The following CTNNA2 variants were observed in gnomAD, a reference collection of about 807,000 sequenced individuals.
CTNNA2 encodes catenin alpha-2.
In CTNNA2, 42 loss-of-function variants were observed where a neutral mutation model predicts 101.0. That is an observed-to-expected ratio of 0.42 (90% confidence interval 0.32 to 0.54). The LOEUF is 0.54. CTNNA2 is among the 20% of genes least tolerant of loss of function. CTNNA2 has a pLI of 0.14. For synonymous variants in CTNNA2, 450 were observed against 456.4 expected, an observed-to-expected ratio of 0.99 and a Z score of 0.18; for missense variants, 871 against 1,223.1, an observed-to-expected ratio of 0.71 and a Z score of 4.29.
intron 12 of CTNNA2, among the ~76,000 whole-genome samples, chr2:80,570,448 C>T (rs1465489805): frequency 6.6e-6 from 1 of 152,170 alleles, no homozygotes; most frequent in Admixed American, 6.5e-5. Context: ...AGCAGTTGAC[C>T]AATCCCTAAA....
At chr2:79,868,865 C>T (rs1682354358) in intron 4 of CTNNA2, among the ~76,000 whole-genome samples, 1 of 152,130 alleles carries the variant, frequency 6.6e-6, no homozygotes, top group Admixed American at 6.5e-5. Flanking sequence ...GGACTGTGTT[C>T]TTGGCTATTT....
At chr2:79,613,884 G>GT (rs2104224924) in intron 1 of CTNNA2, among the ~76,000 whole-genome samples, 1 of 152,234 alleles carries the variant, frequency 6.6e-6, no homozygotes, top group South Asian at 2.1e-4. Context: ...CCAATCTCAT[G>GT]GTGCCAATAC....
chr2:80,251,464 G>A (rs1671757879), intron 7 of CTNNA2, among the ~76,000 whole-genome samples: 1 of 152,092 alleles, frequency 6.6e-6, no homozygotes, highest in Non-Finnish European at 1.5e-5. Context: ...TACGAAGAGG[G>A]GGACCTGAAT....
intron 3 of CTNNA2, among the ~76,000 whole-genome samples, chr2:79,835,662 C>CTTTT (rs1405806885): frequency 1.4e-5 from 1 of 72,916 alleles, no homozygotes; most frequent in African/African-American, 7.0e-5. Flanking sequence ...AATGGCCTCT[C>CTTTT]TTTGTTTTTT....
At chr2:79,851,737 C>CTTTTTTTTTTTTT (rs11399192) in intron 3 of CTNNA2, among the ~76,000 whole-genome samples, 6 of 87,122 alleles carry the variant, frequency 6.9e-5, no homozygotes, top group African/African-American at 9.4e-5. Context: ...TTTTCTTTTC[C>CTTTTTTTTTTTTT]TTTTTTTTTT....
At chr2:80,629,992 G>A (rs762124999) in intron 18 of CTNNA2, among the ~76,000 whole-genome samples, 3 of 152,138 alleles carry the variant, frequency 2.0e-5, no homozygotes, top group Non-Finnish European at 4.4e-5. Context: ...TGCCAACCTC[G>A]TTTCCAGCCA....
chr2:79,423,692 A>T (rs1678561671), intron 4 of CTNNA2, among the ~76,000 whole-genome samples: 1 of 152,172 alleles, frequency 6.6e-6, no homozygotes, highest in Non-Finnish European at 1.5e-5. Context: ...AAGATTGCAG[A>T]ATTATAGCAC....
At chr2:79,780,845 A>G (rs1249383193) in intron 3 of CTNNA2, among the ~76,000 whole-genome samples, 3 of 152,226 alleles carry the variant, frequency 2.0e-5, no homozygotes, top group African/African-American at 7.2e-5. Flanking sequence ...ATAAGGAAGC[A>G]TTCAATATAG....
intron 2 of CTNNA2, among the ~76,000 whole-genome samples, chr2:79,682,867 G>T (rs1480397419): frequency 6.6e-6 from 1 of 152,162 alleles, no homozygotes; most frequent in Non-Finnish European, 1.5e-5. Flanking sequence ...AAAAAACCAA[G>T]TTGTGGGTTC....
At chr2:79,775,277 T>C (rs1044797434) in intron 3 of CTNNA2, among the ~76,000 whole-genome samples, 1 of 152,190 alleles carries the variant, frequency 6.6e-6, no homozygotes, top group African/African-American at 2.4e-5. Context: ...TGGACAGCTG[T>C]ATGTCTACTT....
intron 2 of CTNNA2, among the ~76,000 whole-genome samples, chr2:79,653,931 G>A (rs903100735): frequency 8.6e-5 from 13 of 151,942 alleles, no homozygotes; most frequent in African/African-American, 1.9e-4. Context: ...TCTTTTCTCC[G>A]GTTTCCAATA....
chr2:80,263,032 T>G (rs1672736467), intron 7 of CTNNA2, among the ~76,000 whole-genome samples: 1 of 152,142 alleles, frequency 6.6e-6, no homozygotes, highest in South Asian at 2.1e-4. Context: ...GGAAATGGAA[T>G]TTCTTTAGAC....
intron 7 of CTNNA2, among the ~76,000 whole-genome samples, chr2:79,954,687 A>G (rs1159458240): frequency 6.6e-6 from 1 of 152,212 alleles, no homozygotes; most frequent in East Asian, 1.9e-4. Flanking sequence ...CACTGTGCAC[A>G]CTGGTCCCAT....
At chr2:79,351,579 AC>A (rs1298406099) in intron 3 of CTNNA2, among the ~76,000 whole-genome samples, 1 of 151,962 alleles carries the variant, frequency 6.6e-6, no homozygotes, top group Non-Finnish European at 1.5e-5. Flanking sequence ...TTCAACCCCT[AC>A]CCCTCTCCAT....
chr2:79,935,573 CT>C (rs1271682385), intron 7 of CTNNA2, among the ~76,000 whole-genome samples: 1 of 152,110 alleles, frequency 6.6e-6, no homozygotes, highest in African/African-American at 2.4e-5. Context: ...CCCAGTCTGG[CT>C]CACCTTGTTC....
chr2:79,325,158 A>G (rs560193443), intron 3 of CTNNA2, among the ~76,000 whole-genome samples: 83 of 152,310 alleles, frequency 5.4e-4, no homozygotes, highest in African/African-American at 1.9e-3. Flanking sequence ...AGAGTGTATC[A>G]AAAAAGAAGG....
chr2:79,786,904 T>G (rs1674889790), intron 3 of CTNNA2, among the ~76,000 whole-genome samples: 1 of 152,146 alleles, frequency 6.6e-6, no homozygotes, highest in Admixed American at 6.6e-5. Context: ...TCCTCTTTTC[T>G]TACTTTAAAT....
intron 7 of CTNNA2, among the ~76,000 whole-genome samples, chr2:80,161,984 T>C (rs553305367): frequency 6.6e-6 from 1 of 152,210 alleles, no homozygotes; most frequent in South Asian, 2.1e-4. Flanking sequence ...ATCCCCAAAC[T>C]TTACCAATAA....
At chr2:80,335,310 G>T (rs77392323) in intron 7 of CTNNA2, among the ~76,000 whole-genome samples, 11,484 of 152,230 alleles carry the variant, frequency 0.075, 436 homozygotes, top group Non-Finnish European at 0.089. Flanking sequence ...AGAACCTCCA[G>T]TCAAATGATC....
Sources: gnomAD v4.1 joint callset for allele counts (sites outside exome capture counted in the v4.1 genomes callset) on GRCh38, gnomAD v4.1.1 for gene constraint, MANE v1.5 for transcripts, NCBI Gene and HGNC (gene_info 2026-07-23, HGNC 2026-07-21) for gene names.